Variants in C5 observed in about 807,000 individuals in gnomAD.
C5 encodes complement C5, also known as C3 and PZP-like alpha-2-macroglobulin domain-containing protein 4.
In C5, 140 loss-of-function variants were observed where a neutral mutation model predicts 218.8. The observed-to-expected ratio is 0.64, with a 90% confidence interval of 0.56 to 0.74. The LOEUF (loss-of-function observed/expected upper bound fraction) is 0.74, where lower values mean the gene tolerates loss of function less well. Among genes scored for constraint, C5 ranks in the 30% least tolerant of loss-of-function variants. The pLI is 0.00. For missense variants in C5, 1,700 were observed against 1,969.6 expected, an observed-to-expected ratio of 0.86 and a Z score of 2.59; for synonymous variants, 614 against 682.3, an observed-to-expected ratio of 0.90 and a Z score of 1.56.
chr9:121,002,189 T>C (rs2047167622), intron 20 of C5, among the ~76,000 whole-genome samples: 1 of 132,706 alleles, frequency 7.5e-6, no homozygotes. Context: ...TGTAGATATG[T>C]ACATATACGT....
intron 37 of C5, 150 bp from the exon 38 acceptor site, chr9:120,960,487 T>G (rs2046819027): frequency 1.5e-6 from 1 of 645,666 alleles, no homozygotes; most frequent in Non-Finnish European, 2.8e-6. Context: ...TTTCTTTTCT[T>G]TCATAAAGTG....
chr9:120,979,269 A>G (rs2046974616), intron 28 of C5, among the ~76,000 whole-genome samples: 1 of 151,874 alleles, frequency 6.6e-6, no homozygotes, highest in South Asian at 2.1e-4. Context: ...TTGCTTCTTC[A>G]CCTCCTTTCA....
chr9:121,049,931 T>C (rs1379667417), intron 1 of C5, among the ~76,000 whole-genome samples: 2 of 144,510 alleles, frequency 1.4e-5, no homozygotes, highest in Non-Finnish European at 3.0e-5. Flanking sequence ...TTTTGTGCTT[T>C]TTTGAAGAGG....
At chr9:121,005,049 A>G (rs1469238736) in intron 20 of C5, among the ~76,000 whole-genome samples, 1 of 152,136 alleles carries the variant, frequency 6.6e-6, no homozygotes, top group African/African-American at 2.4e-5. Context: ...GCAAAATTTT[A>G]GGAAACCACT....
At chr9:121,001,991 T>C (rs1170769843) in intron 20 of C5, among the ~76,000 whole-genome samples, 2 of 151,728 alleles carry the variant, frequency 1.3e-5, no homozygotes, top group East Asian at 3.9e-4. Context: ...CATGGTTCAA[T>C]AAATTATAGT....
At chr9:121,040,907 C>T (rs1378831800) in intron 3 of C5, among the ~76,000 whole-genome samples, 1 of 151,668 alleles carries the variant, frequency 6.6e-6, no homozygotes, top group East Asian at 1.9e-4. Context: ...TTTTACTCTA[C>T]GATTAGAATG....
chr9:120,990,949 A>C (rs962189000), intron 23 of C5, among the ~76,000 whole-genome samples: 11 of 152,186 alleles, frequency 7.2e-5, no homozygotes, highest in African/African-American at 2.4e-4. Context: ...AGCCAATGAC[A>C]GTCCCTACCT....
chr9:121,044,427 T>C (rs1451740912), intron 2 of C5, among the ~76,000 whole-genome samples: 1 of 152,030 alleles, frequency 6.6e-6, no homozygotes, highest in Non-Finnish European at 1.5e-5. Context: ...AGTGAGCCGA[T>C]ATTACACCAC....
intron 22 of C5, among the ~76,000 whole-genome samples, chr9:120,992,939 G>C (rs560183748): frequency 5.3e-5 from 8 of 152,146 alleles, no homozygotes; most frequent in Non-Finnish European, 1.0e-4. Context: ...AGGTACATCA[G>C]AGACAAAATC....
chr9:121,065,677 A>T, the C5 span, among the ~76,000 whole-genome samples: 1 of 152,154 alleles, frequency 6.6e-6, no homozygotes, highest in Non-Finnish European at 1.5e-5. Flanking sequence ...TTGTAAAGAC[A>T]GGATTTTGCC....
chr9:121,004,754 T>C (rs918756729), intron 20 of C5, among the ~76,000 whole-genome samples: 3 of 151,678 alleles, frequency 2.0e-5, no homozygotes, highest in African/African-American at 4.8e-5. Flanking sequence ...GCCTGGGCAA[T>C]AGAACAAGAC....
rs1387869294 is a variant in C5, at chr9:121,043,982, A to AT, written c.259-817dup. On this transcript the variant is annotated intron_variant, in intron 2 of 40. Coordinates refer to ENST00000223642, the MANE Select transcript of C5 (RefSeq NM_001735.3). ...ATGTAAATTTAATGCATGAAAAGTG[A>AT]TAAAAAAGAAAAGTGTATCTATGAA... Among the ~76,000 whole-genome samples the AT allele has an allele frequency of 3.9e-5, 6 of 152,314 alleles. 1 individual carries two copies. Among genetic ancestry groups the AT allele is most frequent in the Admixed American group, 3.9e-4 (6 of 15,294 alleles).
Position 120,993,665 on chromosome 9 carries a change from G to A in C5, c.2852-2385C>T, listed in dbSNP as rs180825897. 3.6e-3 allele frequency among the ~76,000 whole-genome samples: 547 copies of A among 152,074 alleles called. 3 individuals are homozygous for A. Among genetic ancestry groups the A allele is most frequent in the African/African-American group, 0.012 (515 of 41,476 alleles). On this transcript the variant is annotated intron_variant, in intron 22 of 40. Transcript: ENST00000223642. ...TCTCGATCTCCTGACCTCGTGATCC[G>A]CCCGCCTCAGCCTCCCAAAGTGCTG...
chr9:121,038,247 G>A (rs1437740127), intron 3 of C5, among the ~76,000 whole-genome samples: 1 of 152,138 alleles, frequency 6.6e-6, no homozygotes, highest in African/African-American at 2.4e-5. Context: ...TTCACAGTAT[G>A]AAATTAATTA....
intron 25 of C5, among the ~76,000 whole-genome samples, chr9:120,987,284 T>C (rs779385774): frequency 5.3e-5 from 8 of 151,974 alleles, no homozygotes; most frequent in Non-Finnish European, 1.2e-4. Flanking sequence ...ATAATGAGAC[T>C]GTACCAGGGG....
At chr9:121,072,009 C>G in the C5 span, among the ~76,000 whole-genome samples, 1 of 152,166 alleles carries the variant, frequency 6.6e-6, no homozygotes, top group Non-Finnish European at 1.5e-5. Flanking sequence ...ATTCTCACTT[C>G]TGCTTTGGAG....
At chr9:121,026,582 C>T (rs942166045) in intron 8 of C5, among the ~76,000 whole-genome samples, 16 of 152,142 alleles carry the variant, frequency 1.1e-4, no homozygotes, top group Non-Finnish European at 1.6e-4. Context: ...GCAGCATCCC[C>T]GGCCTCTCCC....
intron 1 of C5, among the ~76,000 whole-genome samples, chr9:121,046,864 C>A (rs1487574477): frequency 6.6e-6 from 1 of 151,932 alleles, no homozygotes; most frequent in Non-Finnish European, 1.5e-5. Flanking sequence ...TAAATAAGAA[C>A]ATATATATGA....
the C5 span, among the ~76,000 whole-genome samples, chr9:121,074,127 T>C: frequency 6.6e-6 from 1 of 152,080 alleles, no homozygotes; most frequent in Non-Finnish European, 1.5e-5. Context: ...CACTGGGGAT[T>C]TCTGGAGCGG....
Sources: gnomAD v4.1 joint callset for allele counts (sites outside exome capture counted in the v4.1 genomes callset) on GRCh38, gnomAD v4.1.1 for gene constraint, MANE v1.5 for transcripts, NCBI Gene and HGNC (gene_info 2026-07-23, HGNC 2026-07-21) for gene names.